Variants in CSGALNACT1 observed in about 807,000 individuals in gnomAD.
The protein encoded by CSGALNACT1 is chondroitin sulfate N-acetylgalactosaminyltransferase 1, also known as beta4GalNAcT-1.
A neutral mutation model predicts 51.0 loss-of-function variants in CSGALNACT1; 52 were observed. That is an observed-to-expected ratio of 1.02 (90% CI 0.82 to 1.29). The LOEUF is 1.29. CSGALNACT1 is among the 50% of genes most tolerant of loss of function. The probability of loss-of-function intolerance (pLI) is 0.00; values close to 1 mark genes in which losing one functional copy is unlikely to be tolerated. For synonymous variants in CSGALNACT1, 341 were observed against 254.4 expected (o/e 1.34, Z -3.24); for missense variants, 935 against 679.2 (o/e 1.38, Z -4.19).
chr8:19,462,426 A>C (rs2065758800), intron 4 of CSGALNACT1, among the ~76,000 whole-genome samples: 1 of 152,236 alleles, frequency 6.6e-6, no homozygotes, highest in Non-Finnish European at 1.5e-5. Context: ...CACAGAGATG[A>C]AAATACAGAT....
chr8:19,675,426 A>C (rs2060103983), intron 1 of CSGALNACT1, among the ~76,000 whole-genome samples: 2 of 152,146 alleles, frequency 1.3e-5, no homozygotes, highest in South Asian at 4.1e-4. Context: ...GATTCTTATG[A>C]ATCAGAAAAT....
At chr8:19,627,329 C>G (rs769124321) in intron 1 of CSGALNACT1, among the ~76,000 whole-genome samples, 66 of 152,198 alleles carry the variant, frequency 4.3e-4, no homozygotes, top group Middle Eastern at 3.4e-3. Flanking sequence ...TTCTCAAAAA[C>G]TGACGGAGCA....
At chr8:19,696,010 A>T (rs1435994742) in intron 1 of CSGALNACT1, among the ~76,000 whole-genome samples, 1 of 152,232 alleles carries the variant, frequency 6.6e-6, no homozygotes, top group East Asian at 1.9e-4. Flanking sequence ...CTCTGAATAT[A>T]AATTTTTAAA....
intron 4 of CSGALNACT1, among the ~76,000 whole-genome samples, chr8:19,465,284 C>T (rs1041067192): frequency 2.6e-5 from 4 of 152,124 alleles, no homozygotes; most frequent in African/African-American, 9.7e-5. Flanking sequence ...ATAGGAGGTA[C>T]TTAGAGTAGT....
At chr8:19,458,765 T>G (rs1422073965) in intron 4 of CSGALNACT1, 123 bp from the exon 4 acceptor site, 1 of 934,666 alleles carries the variant, frequency 1.1e-6, no homozygotes, top group Non-Finnish European at 1.7e-6. Flanking sequence ...TCTCCAACAA[T>G]TATTCGAAAA....
intron 2 of CSGALNACT1, among the ~76,000 whole-genome samples, chr8:19,593,635 T>C (rs1385440147): frequency 6.6e-6 from 1 of 152,230 alleles, no homozygotes; most frequent in Non-Finnish European, 1.5e-5. Context: ...TTACAGGGTA[T>C]GAATAACATC....
At chr8:19,468,519 A>G (rs1238308362) in intron 4 of CSGALNACT1, among the ~76,000 whole-genome samples, 1 of 152,168 alleles carries the variant, frequency 6.6e-6, no homozygotes, top group Non-Finnish European at 1.5e-5. Flanking sequence ...ACCTTAGAGC[A>G]GTGTGGGGCG....
At chr8:19,467,788 C>T (rs779987630) in intron 4 of CSGALNACT1, among the ~76,000 whole-genome samples, 14 of 152,110 alleles carry the variant, frequency 9.2e-5, no homozygotes, top group Non-Finnish European at 1.6e-4. Flanking sequence ...AGTTCCAGAT[C>T]AGCCTGGGCA....
intron 3 of CSGALNACT1, among the ~76,000 whole-genome samples, chr8:19,586,338 A>G (rs1159087622): frequency 6.6e-6 from 1 of 151,768 alleles, no homozygotes; most frequent in Non-Finnish European, 1.5e-5. Flanking sequence ...CAGCCTGGGC[A>G]ACAGAGCAAG....
intron 4 of CSGALNACT1, among the ~76,000 whole-genome samples, chr8:19,478,970 G>A (rs1007987878): frequency 6.6e-6 from 1 of 152,160 alleles, no homozygotes; most frequent in African/African-American, 2.4e-5. Flanking sequence ...AAGAAATACT[G>A]AGAAGCAGGA....
intron 1 of CSGALNACT1, among the ~76,000 whole-genome samples, chr8:19,738,964 G>A (rs1768824122): frequency 6.6e-6 from 1 of 152,080 alleles, no homozygotes; most frequent in Admixed American, 6.6e-5. Flanking sequence ...TGCAATGTGA[G>A]GCCCTCCTAT....
At chr8:19,716,653 G>A (rs559377788) in intron 1 of CSGALNACT1, among the ~76,000 whole-genome samples, 1 of 136,900 alleles carries the variant, frequency 7.3e-6, no homozygotes, top group African/African-American at 2.7e-5. Flanking sequence ...TTAGCCAGAT[G>A]AGGTGGTGCA....
intron 4 of CSGALNACT1, among the ~76,000 whole-genome samples, chr8:19,466,668 T>C (rs2066757211): frequency 6.6e-6 from 1 of 152,196 alleles, no homozygotes; most frequent in Non-Finnish European, 1.5e-5. Flanking sequence ...GTGACATTTG[T>C]GGAAGAGATG....
chr8:19,648,504 A>G (rs1302910329), intron 1 of CSGALNACT1, among the ~76,000 whole-genome samples: 1 of 152,158 alleles, frequency 6.6e-6, no homozygotes, highest in Non-Finnish European at 1.5e-5. Flanking sequence ...TTTTTATGAA[A>G]TCCTAAGAAT....
chr8:19,656,840 C>G (rs7012105), intron 1 of CSGALNACT1, among the ~76,000 whole-genome samples: 121,529 of 151,912 alleles, frequency 0.8, 48,827 homozygotes, highest in East Asian at 0.98. Flanking sequence ...GGCCAAGGCG[C>G]GTGGATCACA....
chr8:19,601,913 T>C, intron 1 of CSGALNACT1, 48 bp from the exon 2 acceptor site: 1 of 453,628 alleles, frequency 2.2e-6, no homozygotes, highest in Non-Finnish European at 4.4e-6. Flanking sequence ...TTTCCATGTC[T>C]TAAATGTATG....
At chr8:19,656,192 C>G (rs1308688518) in intron 1 of CSGALNACT1, among the ~76,000 whole-genome samples, 1 of 152,142 alleles carries the variant, frequency 6.6e-6, no homozygotes, top group East Asian at 1.9e-4. Flanking sequence ...TTTTGCTAAT[C>G]TGCACAATGT....
chr8:19,583,762 C>T (rs1217807257), intron 3 of CSGALNACT1, among the ~76,000 whole-genome samples: 1 of 152,160 alleles, frequency 6.6e-6, no homozygotes, highest in African/African-American at 2.4e-5. Flanking sequence ...CTTGCATCAG[C>T]CACAAAGCCT....
chr8:19,618,653 A>AGAAAG (rs1256689569), intron 1 of CSGALNACT1, among the ~76,000 whole-genome samples: 3 of 91,356 alleles, frequency 3.3e-5, no homozygotes, highest in South Asian at 3.0e-4. Context: ...AAAAAAAAAA[A>AGAAAG]AAAGAAAGAA....
Sources: gnomAD v4.1 joint callset for allele counts (sites outside exome capture counted in the v4.1 genomes callset) on GRCh38, gnomAD v4.1.1 for gene constraint, MANE v1.5 for transcripts, NCBI Gene and HGNC (gene_info 2026-07-23, HGNC 2026-07-21) for gene names.